ROBO1: variants seen among roughly 807,000 people sequenced by gnomAD.
ROBO1 encodes roundabout guidance receptor 1.
In ROBO1, 149 loss-of-function variants were observed where a neutral mutation model predicts 195.9. That is an observed-to-expected ratio of 0.76 (90% CI 0.67 to 0.87). The LOEUF (loss-of-function observed/expected upper bound fraction) is 0.87. Ranked by LOEUF, ROBO1 falls within the 40% of genes least tolerant of loss-of-function variation. ROBO1 has a pLI of 0.00. For synonymous variants in ROBO1, 816 were observed against 733.2 expected (o/e 1.11, Z -1.82); for missense variants, 1,933 against 2,068.3 (o/e 0.93, Z 1.27).
intron 2 of ROBO1, among the ~76,000 whole-genome samples, chr3:79,554,920 G>A (rs558710174): frequency 1.3e-5 from 2 of 152,180 alleles, no homozygotes; most frequent in Admixed American, 6.6e-5. Flanking sequence ...CTGGCGTGTA[G>A]AAGATAAATA....
At chr3:78,871,742 C>CAA (rs71127366) in intron 4 of ROBO1, among the ~76,000 whole-genome samples, 1,911 of 111,348 alleles carry the variant, frequency 0.017, 44 homozygotes, top group African/African-American at 0.038. Flanking sequence ...GCTTTCACAG[C>CAA]AAAAAAAAAA....
At chr3:78,845,336 T>G (rs1434222527) in intron 4 of ROBO1, among the ~76,000 whole-genome samples, 1 of 151,928 alleles carries the variant, frequency 6.6e-6, no homozygotes, top group Non-Finnish European at 1.5e-5. Context: ...CACCTTAAAG[T>G]GCTCACATTA....
intron 1 of ROBO1, among the ~76,000 whole-genome samples, chr3:79,600,591 G>A (rs750755557): frequency 1.3e-5 from 2 of 151,768 alleles, no homozygotes; most frequent in African/African-American, 2.4e-5. Flanking sequence ...TTTTAGAGGG[G>A]GTTGCTGTGA....
chr3:79,318,935 C>G lies in ROBO1; in HGVS notation c.89-193396G>C, dbSNP rs557300757. Reference sequence around the variant, plus strand: ...AGGTAAAATGAATTTGAATTATATGCAAACTTACAAAATATCATTTCAACA... The same window carrying G: ...AGGTAAAATGAATTTGAATTATATGGAAACTTACAAAATATCATTTCAACA... On this transcript the variant is annotated intron_variant, in intron 2 of 30. Transcript: ENST00000464233. Among the ~76,000 whole-genome samples the G allele has an allele frequency of 1.4e-4, 21 of 152,230 alleles. 1 individual carries two copies. The South Asian group carries it at 3.9e-3, about 29-fold the overall frequency.
At chr3:79,242,122 C>T (rs746513268) in intron 2 of ROBO1, among the ~76,000 whole-genome samples, 1 of 151,842 alleles carries the variant, frequency 6.6e-6, no homozygotes, top group Non-Finnish European at 1.5e-5. Flanking sequence ...GGAATGTGAA[C>T]ATAAGGGTAG....
At chr3:79,103,494 G>A (rs1234092661) in intron 3 of ROBO1, among the ~76,000 whole-genome samples, 1 of 151,212 alleles carries the variant, frequency 6.6e-6, no homozygotes, top group Non-Finnish European at 1.5e-5. Context: ...ACAAATGGAT[G>A]TTTTTTGTTG....
intron 1 of ROBO1, among the ~76,000 whole-genome samples, chr3:79,608,852 T>A (rs767968138): frequency 6.6e-6 from 1 of 151,946 alleles, no homozygotes; most frequent in Non-Finnish European, 1.5e-5. Context: ...AAAATACACA[T>A]GTTGAAATTC....
At chr3:78,861,529 T>C (rs1379284060) in intron 4 of ROBO1, among the ~76,000 whole-genome samples, 1 of 152,206 alleles carries the variant, frequency 6.6e-6, no homozygotes, top group African/African-American at 2.4e-5. Context: ...AACAAGGTTA[T>C]ACAAATTCCC....
At chr3:79,270,468 C>G (rs1391163835) in intron 2 of ROBO1, among the ~76,000 whole-genome samples, 3 of 151,142 alleles carry the variant, frequency 2.0e-5, no homozygotes, top group Admixed American at 1.3e-4. Flanking sequence ...AGTGGAGTGG[C>G]TCAGTAAAGA....
intron 4 of ROBO1, among the ~76,000 whole-genome samples, chr3:78,772,077 G>A (rs1207484723): frequency 6.6e-6 from 1 of 152,056 alleles, no homozygotes; most frequent in Non-Finnish European, 1.5e-5. Context: ...ACAAACAGAT[G>A]TAATAAATTT....
In ROBO1 at chr3:78,944,688, C is replaced by T. The variant is rs561703259; in HGVS notation, c.173-5761G>A. Among the ~76,000 whole-genome samples, 8 of 152,314 alleles carry T rather than the reference C, an allele frequency of 5.3e-5. 1 individual carries two copies. In the South Asian group the frequency reaches 1.0e-3, roughly 20 times the overall value. On this transcript the variant is annotated intron_variant, in intron 3 of 30. Transcript: ENST00000464233. ...GTGCAGGACAGTGGGTGCAGCGCAC[C>T]GTGTGCGAGTCAAACCAGAGAGAGG...
intron 5 of ROBO1, among the ~76,000 whole-genome samples, chr3:78,733,227 A>G (rs1334342618): frequency 1.3e-5 from 2 of 152,180 alleles, no homozygotes; most frequent in African/African-American, 4.8e-5. Flanking sequence ...CACCAATTGC[A>G]AGTAATGAAA....
At chr3:79,261,592 TA>T (rs1000795473) in intron 2 of ROBO1, among the ~76,000 whole-genome samples, 2 of 152,038 alleles carry the variant, frequency 1.3e-5, no homozygotes, top group African/African-American at 4.8e-5. Context: ...GAGCTTGCAT[TA>T]AATCTGTTTT....
intron 4 of ROBO1, among the ~76,000 whole-genome samples, chr3:78,764,312 A>C (rs2083176581): frequency 6.6e-6 from 1 of 152,202 alleles, no homozygotes; most frequent in Non-Finnish European, 1.5e-5. Flanking sequence ...GTTAGGTTAA[A>C]TAATTGGTTT....
intron 3 of ROBO1, among the ~76,000 whole-genome samples, chr3:78,965,980 T>C (rs895752053): frequency 1.2e-4 from 18 of 152,348 alleles, no homozygotes; most frequent in African/African-American, 4.1e-4. Context: ...AACTAGCTAT[T>C]GTGTTAGACC....
At chr3:79,111,564 C>A (rs986238597) in intron 3 of ROBO1, among the ~76,000 whole-genome samples, 1 of 152,034 alleles carries the variant, frequency 6.6e-6, no homozygotes, top group Non-Finnish European at 1.5e-5. Context: ...ACCTTTAGAG[C>A]AAAGATCATA....
chr3:79,168,107 C>T (rs1010287359), intron 2 of ROBO1, among the ~76,000 whole-genome samples: 2 of 152,140 alleles, frequency 1.3e-5, no homozygotes, highest in Non-Finnish European at 2.9e-5. Context: ...CAGCCAGGAA[C>T]GGAAAGAAAC....
intron 3 of ROBO1, among the ~76,000 whole-genome samples, chr3:79,025,133 G>C (rs1295821390): frequency 6.6e-6 from 1 of 152,028 alleles, no homozygotes; most frequent in South Asian, 2.1e-4. Context: ...CTTCTATGCT[G>C]TTCCTAGAAT....
At chr3:78,723,959 T>C (rs971835290) in intron 5 of ROBO1, among the ~76,000 whole-genome samples, 1 of 152,136 alleles carries the variant, frequency 6.6e-6, no homozygotes, top group Non-Finnish European at 1.5e-5. Context: ...CCAATTTCAT[T>C]ATAAAATACA....
Sources: allele counts gnomAD v4.1 joint callset (sites outside exome capture counted in the v4.1 genomes callset), GRCh38; gene constraint gnomAD v4.1.1; transcripts MANE v1.5; gene names NCBI Gene and HGNC (gene_info 2026-07-23, HGNC 2026-07-21).